The following TRIM51 variants were observed in gnomAD, a reference collection of about 807,000 sequenced individuals.
TRIM51 encodes tripartite motif-containing 51.
Under a neutral mutation model 32.7 loss-of-function variants are expected in TRIM51, and 23 were observed. The observed-to-expected ratio is 0.70, with a 90% CI of 0.51 to 1.00. The LOEUF is 1.00. TRIM51 is among the 50% of genes least tolerant of loss of function. The pLI, the probability that TRIM51 is intolerant of heterozygous loss-of-function variation, is 0.00. For synonymous variants in TRIM51, 177 were observed against 181.9 expected (o/e 0.97, Z 0.22); for missense variants, 592 against 539.2 (o/e 1.10, Z -0.97).
rs781111274 is a variant in TRIM51 at position 55,891,599 on chromosome 11, T to C, written c.1326T>C (p.Pro442=). The C allele has an allele frequency of 6.2e-7, 1 of 1,613,120 alleles. No homozygotes were observed. The highest frequency in any genetic ancestry group is 1.1e-5 in the South Asian group (1 of 91,056). Residue 442 remains proline, a synonymous_variant, in exon 7 of 7, where the codon CCT becomes CCC. Transcript: ENST00000449290. ...YTIPNCSFSP[P]LRPIFCCSHF ...TCCCCAATTGCTCCTTCTCACCTCC[T>C]CTCAGGCCTATCTTTTGCTGTAGTC...
chr11:55,891,038 G>C (rs998344382), intron 6 of TRIM51, 95 bp from the exon 7 acceptor site: 225 of 1,008,158 alleles, frequency 2.2e-4, no homozygotes, highest in Non-Finnish European at 3.0e-4. Context: ...CAAATTTCTT[G>C]GTAAAGTAAA....
At chr11:55,891,035 C>A in intron 6 of TRIM51, 98 bp from the exon 7 acceptor site, 2 of 980,698 alleles carry the variant, frequency 2.0e-6, no homozygotes, top group African/African-American at 1.6e-5. Flanking sequence ...CTTCAAATTT[C>A]TTGGTAAAGT....
chr11:55,885,500 C>T lies in TRIM51; in HGVS notation c.72C>T (p.Asp24=). 1 of 1,611,998 alleles carries T rather than the reference C, an allele frequency of 6.2e-7. No individual in the cohort carries two copies. Among genetic ancestry groups the T allele is most frequent in the Non-Finnish European group, 8.5e-7 (1 of 1,179,714 alleles). The change falls in exon 2 of 7, where the codon GAC becomes GAT. Residue 24 remains aspartate (D), a synonymous_variant. Transcript: ENST00000449290. ...CCATCTGCATGAACTACTTCCTAGACCCAGTCACCATAGACTGTGGGCACA... is the reference window on the plus strand; with the variant it reads ...CCATCTGCATGAACTACTTCCTAGATCCAGTCACCATAGACTGTGGGCACA... ...TCPICMNYFL[D]PVTIDCGHSF...
At position 55,889,966 on chromosome 11, in the gene TRIM51, G is replaced by A. The variant is rs139439628; in HGVS notation, c.786G>A (p.Val262=). Residue 262 remains valine (V), a synonymous_variant, in exon 6 of 7, where the codon GTG becomes GTA. Transcript: ENST00000449290. The part of the protein sequence containing the change: ...LHRYESLLLQ[V]SEPVNPELSA... ...GGTATGAGTCTCTGCTGCTGCAAGT[G>A]TCTGAGCCTGTGAATCCAGAGCTCA... is the stretch of plus-strand genomic sequence containing the variant. 2.4e-4 allele frequency: 393 copies of A among 1,613,316 alleles called. No homozygotes were observed. In the African/African-American group the frequency reaches 4.8e-3, roughly 20 times the overall value.
In TRIM51 at chr11:55,891,299, T is replaced by C. The variant is rs138830390; in HGVS notation, c.1026T>C (p.Tyr342=). The change falls in exon 7 of 7, where the codon TAT becomes TAC. Residue 342 remains tyrosine, a synonymous_variant. Coordinates refer to ENST00000449290, the MANE Select transcript of TRIM51 (RefSeq NM_032681.4). ...AGGCTTTCACATCTGGCAAATATTATTGGGAGGTTCATATGGGGGACTCTT... is the reference window on the plus strand; with the variant it reads ...AGGCTTTCACATCTGGCAAATATTACTGGGAGGTTCATATGGGGGACTCTT... ...GAQAFTSGKY[Y]WEVHMGDSWN... 1.9e-6 allele frequency: 3 copies of C among 1,611,124 alleles called. No individual in the cohort carries two copies. The highest frequency in any genetic ancestry group is 2.7e-5 in the African/African-American group (2 of 74,878).
intron 3 of TRIM51, among the ~76,000 whole-genome samples, chr11:55,887,785 G>A (rs1330536313): frequency 6.6e-6 from 1 of 152,050 alleles, no homozygotes; most frequent in Non-Finnish European, 1.5e-5. Flanking sequence ...GTGTGGAAGA[G>A]GGAAATCCAT....
intron 2 of TRIM51, 138 bp downstream of exon 2, chr11:55,885,977 C>A: frequency 6.7e-7 from 1 of 1,495,286 alleles, no homozygotes; most frequent in South Asian, 1.3e-5. Flanking sequence ...CTTCACACCT[C>A]TCAGATTTGA....
Position 55,888,097 on chromosome 11 carries a change from T to C in TRIM51, c.573T>C (p.His191=), listed in dbSNP as rs1285042386. The change falls in exon 4 of 7, where the codon CAT becomes CAC. Residue 191 remains histidine (H), a synonymous_variant. Coordinates refer to ENST00000449290, the MANE Select transcript of TRIM51 (RefSeq NM_032681.4). ...ATCAGAAGATGCCTGCATTTCTCCA[T>C]GAAGAAGAGCAACATCACTTGGAAA... ...AEYQKMPAFL[H]EEEQHHLERL... 2 of 1,613,516 alleles carry C rather than the reference T, an allele frequency of 1.2e-6. No individual in the cohort carries two copies. Among genetic ancestry groups the C allele is most frequent in the Non-Finnish European group, 1.7e-6 (2 of 1,179,676 alleles).
chr11:55,883,636 T>C (rs946080354), intron 1 of TRIM51, among the ~76,000 whole-genome samples: 16 of 152,172 alleles, frequency 1.1e-4, no homozygotes, highest in African/African-American at 3.6e-4. Flanking sequence ...GTATGCATCA[T>C]GGGTATATGG....
intron 4 of TRIM51, 68 bp downstream of exon 4, chr11:55,888,330 G>A: frequency 8.7e-7 from 1 of 1,144,030 alleles, no homozygotes; most frequent in South Asian, 1.2e-5. Flanking sequence ...CCTCTCTCCT[G>A]AACTCCGTCT....
chr11:55,890,360 A>C (rs779124394), intron 6 of TRIM51, among the ~76,000 whole-genome samples: 5 of 152,280 alleles, frequency 3.3e-5, no homozygotes, highest in African/African-American at 4.8e-5. Flanking sequence ...GTTACATAAA[A>C]ATTTTACATT....
Position 55,890,289 on chromosome 11 carries a change from C to T in TRIM51, c.859+250C>T, listed in dbSNP as rs1252730844. 3.9e-5 allele frequency among the ~76,000 whole-genome samples: 6 copies of T among 152,100 alleles called. No homozygotes were observed. The East Asian group carries it at 1.2e-3, about 29-fold the overall frequency. On this transcript the variant is annotated intron_variant, in intron 6 of 6. Coordinates refer to ENST00000449290, the MANE Select transcript of TRIM51 (RefSeq NM_032681.4). ...GTTATATATTGGGTAAATGGAATGA[C>T]ATAAGAAATAAAAAATTGAATAAAT...
At position 55,891,611 on chromosome 11, in the gene TRIM51, C is replaced by CT. The variant is rs565654845; in HGVS notation, c.1342dup (p.Cys448LeufsTer3). 3.6e-4 allele frequency: 583 copies of CT among 1,613,376 alleles called. 3 individuals carry two copies. Among genetic ancestry groups the CT allele is most frequent in the South Asian group, 1.4e-3 (125 of 91,068 alleles). ...CCTTCTCACCTCCTCTCAGGCCTAT[C>CT]TTTTGCTGTAGTCACTTCTGACCAG... On this transcript the variant is annotated frameshift_variant, in exon 7 of 7. Coordinates refer to ENST00000449290, the MANE Select transcript of TRIM51 (RefSeq NM_032681.4). LOFTEE classifies it low-confidence loss of function (END_TRUNC).
rs34250328 is a variant in TRIM51 at position 55,891,417 on chromosome 11, T to C, written c.1144T>C (p.Cys382Arg). ...AGAGGAGGGACTCTTTCTTCTTGGATGTGTTAAGGAGGACACTCACTGCAG... is the reference window on the plus strand; with the variant it reads ...AGAGGAGGGACTCTTTCTTCTTGGACGTGTTAAGGAGGACACTCACTGCAG... ...DGEEGLFLLG[C>R]VKEDTHCSLF... The change falls in exon 7 of 7, where the codon TGT (cysteine) becomes CGT (arginine). Residue 382 changes from cysteine (C) to arginine (R), a missense_variant. Cys to Arg is a radical substitution (Grantham distance 180, BLOSUM62 -3). Transcript: ENST00000449290. 43,534 of 1,612,304 alleles carry C rather than the reference T, an allele frequency of 0.027. 458 individuals are homozygous for C. The highest frequency in any genetic ancestry group is 0.032 in the Non-Finnish European group (37,863 of 1,179,444).
rs540493221 is a variant in TRIM51 at position 55,885,629 on chromosome 11, C to T, written c.201C>T (p.Asp67=). The T allele has an allele frequency of 3.5e-5, 56 of 1,610,896 alleles. 2 individuals carry two copies. The South Asian group carries it at 5.9e-4, about 17-fold the overall frequency. Residue 67 remains aspartate (D), a synonymous_variant, in exon 2 of 7, where the codon GAC becomes GAT. Transcript: ENST00000449290. ...CGCGGCAGAGAAACCTCAACACTGA[C>T]ATTTGTTTGAAGAACATGGCTTTCA... ...KTTRQRNLNT[D]ICLKNMAFIA...
At chr11:55,888,950 T>G (rs773800966) in intron 4 of TRIM51, 29 bp from the exon 5 acceptor site, 95 of 1,605,392 alleles carry the variant, frequency 5.9e-5, no homozygotes, top group Non-Finnish European at 7.8e-5. Context: ...TGGAAAGCGC[T>G]AAGCCTTTCT....
At position 55,885,624 on chromosome 11, in the gene TRIM51, A is replaced by G; in HGVS notation, c.196A>G (p.Thr66Ala). 1 of 1,611,052 alleles carries G rather than the reference A, an allele frequency of 6.2e-7. No individual in the cohort carries two copies. Among genetic ancestry groups the G allele is most frequent in the South Asian group, 1.1e-5 (1 of 90,960 alleles). ...GACAACGCGGCAGAGAAACCTCAAC[A>G]CTGACATTTGTTTGAAGAACATGGC... The part of the protein sequence containing the change: ...KKTTRQRNLN[T>A]DICLKNMAFI... The change falls in exon 2 of 7, where the codon ACT (threonine) becomes GCT (alanine). Residue 66 changes from threonine (T) to alanine (A), a missense_variant. Transcript: ENST00000449290.
intron 3 of TRIM51, among the ~76,000 whole-genome samples, chr11:55,887,352 A>C (rs1854590101): frequency 6.6e-6 from 1 of 151,582 alleles, no homozygotes; most frequent in Admixed American, 6.6e-5. Context: ...ATATACACAC[A>C]CACAGATACA....
Position 55,885,847 on chromosome 11 carries a change from A to T in TRIM51, c.411+8A>T. On this transcript the variant is annotated splice_region_variant and intron_variant, in intron 2 of 6. Transcript: ENST00000449290. ...GCTGCTGAGGAACGCCGGGTAAGTGATGCCTCTGAAGATCTATTTCTATAC... is the reference window on the plus strand; with the variant it reads ...GCTGCTGAGGAACGCCGGGTAAGTGTTGCCTCTGAAGATCTATTTCTATAC... 6.2e-7 allele frequency: 1 copy of T among 1,611,670 alleles called. No homozygotes were observed. Among genetic ancestry groups the T allele is most frequent in the Non-Finnish European group, 8.5e-7 (1 of 1,179,656 alleles).
Sources: allele counts gnomAD v4.1 joint callset (sites outside exome capture counted in the v4.1 genomes callset), GRCh38; gene constraint gnomAD v4.1.1; transcripts MANE v1.5; gene names NCBI Gene and HGNC (gene_info 2026-07-23, HGNC 2026-07-21).